The following PDE1C variants were observed in gnomAD, a reference collection of about 807,000 sequenced individuals.
The protein encoded by PDE1C is dual specificity calcium/calmodulin-dependent 3',5'-cyclic nucleotide phosphodiesterase 1C.
PDE1C carries 62 observed loss-of-function variants against 93.1 expected under a neutral mutation model. The ratio of observed to expected loss-of-function variants is 0.67; its 90% CI spans 0.54 to 0.82. PDE1C has a LOEUF of 0.82. PDE1C is among the 40% of genes least tolerant of loss of function. The pLI is 0.00. For missense variants in PDE1C, 742 were observed against 884.6 expected (o/e 0.84, Z 2.04); for synonymous variants, 325 against 310.1 (o/e 1.05, Z -0.50).
chr7:31,923,924 A>G (rs10487740), intron 2 of PDE1C, among the ~76,000 whole-genome samples: 11,644 of 152,278 alleles, frequency 0.076, 822 homozygotes, highest in African/African-American at 0.19. Flanking sequence ...TCCTCTAGAC[A>G]TAGGTGTTAT....
At chr7:31,987,332 T>C (rs1783545563) in intron 2 of PDE1C, among the ~76,000 whole-genome samples, 1 of 152,156 alleles carries the variant, frequency 6.6e-6, no homozygotes, top group African/African-American at 2.4e-5. Context: ...AAGGATTTAC[T>C]CCCAGCAGTG....
At chr7:32,273,685 C>G (rs1384938825) in intron 1 of PDE1C, among the ~76,000 whole-genome samples, 1 of 152,186 alleles carries the variant, frequency 6.6e-6, no homozygotes, top group South Asian at 2.1e-4. Context: ...CCTTCAAAGA[C>G]TTGTACACCG....
At chr7:32,138,815 A>G in intron 3 of PDE1C, among the ~76,000 whole-genome samples, 1 of 152,108 alleles carries the variant, frequency 6.6e-6, no homozygotes, top group East Asian at 1.9e-4. Flanking sequence ...CATTTTTTTC[A>G]TCAATTTACC....
chr7:32,071,919 G>A (rs1181387459), upstream of PDE1C, among the ~76,000 whole-genome samples: 4 of 152,148 alleles, frequency 2.6e-5, no homozygotes, highest in African/African-American at 7.2e-5. Context: ...GATTCAGGGT[G>A]GGGCATGCCC....
chr7:32,218,490 G>T (rs10263529), intron 1 of PDE1C, among the ~76,000 whole-genome samples: 8,571 of 152,248 alleles, frequency 0.056, 835 homozygotes, highest in African/African-American at 0.19. Context: ...GTGCAGCCCA[G>T]GGTATCACAC....
chr7:31,756,284 T>G (rs1426439336), intron 17 of PDE1C, among the ~76,000 whole-genome samples: 3 of 152,158 alleles, frequency 2.0e-5, no homozygotes, highest in Non-Finnish European at 2.9e-5. Context: ...AAATTAATAT[T>G]TTGTGATGAA....
At chr7:31,843,627 A>G (rs939075405) in intron 9 of PDE1C, among the ~76,000 whole-genome samples, 3 of 151,800 alleles carry the variant, frequency 2.0e-5, no homozygotes, top group African/African-American at 7.2e-5. Flanking sequence ...CCTTTTTATC[A>G]ATTCTAATAA....
intron 16 of PDE1C, among the ~76,000 whole-genome samples, chr7:31,780,677 G>A (rs1486452558): frequency 6.6e-6 from 1 of 152,152 alleles, no homozygotes; most frequent in Non-Finnish European, 1.5e-5. Flanking sequence ...ATAATTGCGA[G>A]CATCAAGTAA....
chr7:31,971,258 C>T (rs1414468771), intron 2 of PDE1C, among the ~76,000 whole-genome samples: 2 of 152,184 alleles, frequency 1.3e-5, no homozygotes, highest in African/African-American at 4.8e-5. Flanking sequence ...TGCAGGGTCT[C>T]CCTTACAGTG....
chr7:31,834,010 T>A (rs538227173), intron 11 of PDE1C, among the ~76,000 whole-genome samples: 1 of 152,210 alleles, frequency 6.6e-6, no homozygotes, highest in Non-Finnish European at 1.5e-5. Flanking sequence ...GTGCCCTGCA[T>A]CCCAGATGCT....
At chr7:31,701,600 A>G in the PDE1C span, among the ~76,000 whole-genome samples, 1 of 152,222 alleles carries the variant, frequency 6.6e-6, no homozygotes, top group Non-Finnish European at 1.5e-5. Flanking sequence ...TGTGAGTAAA[A>G]TGCTCTCAAG....
At chr7:31,717,555 C>T in the PDE1C span, among the ~76,000 whole-genome samples, 8 of 152,212 alleles carry the variant, frequency 5.3e-5, no homozygotes, top group South Asian at 1.5e-3. Context: ...GATTAGAATC[C>T]AGAGAATGGG....
At chr7:32,003,799 T>C (rs11980693) in intron 2 of PDE1C, among the ~76,000 whole-genome samples, 85 of 152,372 alleles carry the variant, frequency 5.6e-4, no homozygotes, top group African/African-American at 1.9e-3. Flanking sequence ...CTGTTTCAGA[T>C]GCTGTGGCTA....
chr7:31,842,429 T>C (rs1035669307), intron 9 of PDE1C, among the ~76,000 whole-genome samples: 2 of 152,134 alleles, frequency 1.3e-5, no homozygotes, highest in African/African-American at 2.4e-5. Flanking sequence ...GGATATTTCT[T>C]TGTGGGAATA....
chr7:31,970,988 C>T (rs551936696), intron 2 of PDE1C, among the ~76,000 whole-genome samples: 12 of 152,022 alleles, frequency 7.9e-5, no homozygotes, highest in Non-Finnish European at 1.6e-4. Context: ...ACTAAAAATA[C>T]AAAATTAGCC....
At chr7:31,927,486 C>T (rs1803556991) in intron 2 of PDE1C, among the ~76,000 whole-genome samples, 1 of 152,206 alleles carries the variant, frequency 6.6e-6, no homozygotes, top group South Asian at 2.1e-4. Flanking sequence ...CCCTGACACC[C>T]ATGCCTCCTG....
chr7:31,965,520 T>A (rs1201343833), intron 2 of PDE1C, among the ~76,000 whole-genome samples: 1 of 152,136 alleles, frequency 6.6e-6, no homozygotes, highest in Non-Finnish European at 1.5e-5. Context: ...TGGAACCAAG[T>A]TAGGAAACAC....
rs539174593 is a variant in PDE1C, at chr7:31,755,932, G to A, written c.1961-2379C>T. Among the ~76,000 whole-genome samples, 249 of 152,262 alleles carry A rather than the reference G, an allele frequency of 1.6e-3. 1 individual carries two copies. Among genetic ancestry groups the A allele is most frequent in the African/African-American group, 5.5e-3 (228 of 41,538 alleles). ...TGTAATCCCAGCACTTTGGGAGGCC[G>A]AGGCTGGCAGATCACTGGAGGCCAG... is the stretch of plus-strand genomic sequence containing the variant. On this transcript the variant is annotated intron_variant, in intron 17 of 17. Coordinates refer to ENST00000396191, the MANE Select transcript of PDE1C (RefSeq NM_001191057.4).
At chr7:32,386,134 A>C (rs1784623307) in intron 1 of PDE1C, among the ~76,000 whole-genome samples, 1 of 147,484 alleles carries the variant, frequency 6.8e-6, no homozygotes, top group African/African-American at 2.5e-5. Flanking sequence ...ATATATTTAC[A>C]AATTGTAAAT....
Sources: gnomAD v4.1 joint callset for allele counts (sites outside exome capture counted in the v4.1 genomes callset) on GRCh38, gnomAD v4.1.1 for gene constraint, MANE v1.5 for transcripts, NCBI Gene and HGNC (gene_info 2026-07-23, HGNC 2026-07-21) for gene names.